ZCCHC17: variants seen among roughly 807,000 people sequenced by gnomAD.
ZCCHC17 encodes the protein zinc finger CCHC-type containing 17.
ZCCHC17 carries 18 observed loss-of-function variants against 30.6 expected under a neutral mutation model. The observed-to-expected ratio is 0.59, with a 90% CI of 0.41 to 0.87. The LOEUF (loss-of-function observed/expected upper bound fraction) is 0.87. ZCCHC17 is among the 40% of genes least tolerant of loss of function. The pLI, the probability that ZCCHC17 is intolerant of heterozygous loss-of-function variation, is 0.00. For missense variants in ZCCHC17, 263 were observed against 284.2 expected, an observed-to-expected ratio of 0.93 and a Z score of 0.54; for synonymous variants, 88 against 92.4, an observed-to-expected ratio of 0.95 and a Z score of 0.27.
chr1:31,328,104 C>T (rs906304958), intron 3 of ZCCHC17, among the ~76,000 whole-genome samples: 7 of 152,214 alleles, frequency 4.6e-5, no homozygotes, highest in Non-Finnish European at 1.0e-4. Context: ...AAAATTCATA[C>T]TAGTTTTGCT....
chr1:31,300,869 G>A (rs1261737000), intron 1 of ZCCHC17, among the ~76,000 whole-genome samples: 1 of 151,678 alleles, frequency 6.6e-6, no homozygotes, highest in Non-Finnish European at 1.5e-5. Flanking sequence ...CTGGGAGGAG[G>A]TTGCAGTGAG....
chr1:31,314,910 A>C (rs942044803), intron 2 of ZCCHC17, among the ~76,000 whole-genome samples: 1 of 152,158 alleles, frequency 6.6e-6, no homozygotes, highest in African/African-American at 2.4e-5. Flanking sequence ...CAAGTGATCC[A>C]TCTGCCTTGG....
At chr1:31,306,530 T>A (rs1170999548) in intron 1 of ZCCHC17, among the ~76,000 whole-genome samples, 1 of 152,210 alleles carries the variant, frequency 6.6e-6, no homozygotes, top group African/African-American at 2.4e-5. Context: ...GTTTTAAGCT[T>A]ATGAATTGTT....
At chr1:31,308,227 A>G (rs554069865) in intron 1 of ZCCHC17, among the ~76,000 whole-genome samples, 9 of 152,360 alleles carry the variant, frequency 5.9e-5, no homozygotes, top group South Asian at 4.1e-4. Context: ...CTTTTAGTAC[A>G]GTAATAAAAA....
At position 31,348,845 on chromosome 1, in the gene ZCCHC17, T is replaced by C. The variant is rs1160654109; in HGVS notation, c.435T>C (p.Asp145=). ...CTTCTGCAGGCCACTTTGCAAAAGATTGTTTCATGCAACCAGGTGGGACTA... is the reference window on the plus strand; with the variant it reads ...CTTCTGCAGGCCACTTTGCAAAAGACTGTTTCATGCAACCAGGTGGGACTA... ...KCGCKGHFAK[D]CFMQPGGTKY... is the part of the protein sequence containing the mutation. Residue 145 remains aspartate, a synonymous_variant, in exon 7 of 8, where the codon GAT becomes GAC. Transcript: ENST00000344147. 5 of 1,612,518 alleles carry C rather than the reference T, an allele frequency of 3.1e-6. No homozygotes were observed. Among genetic ancestry groups the C allele is most frequent in the Middle Eastern group, 2.1e-4 (1 of 4,808 alleles).
chr1:31,346,595 C>T (rs1639281479), intron 5 of ZCCHC17, 45 bp from the exon 6 acceptor site: 1 of 1,552,652 alleles, frequency 6.4e-7, no homozygotes, highest in South Asian at 1.2e-5. Context: ...TATCTCTGGC[C>T]ATATCTCTTA....
In ZCCHC17 at chr1:31,324,920, C is replaced by T. The variant is rs114602188; in HGVS notation, c.124+5754C>T. ...GCCTAAAGCATAGGGGCCAGGCTGT[C>T]AGTTCCAGGTGGAGTCTGTGGCCCA... On this transcript the variant is annotated intron_variant, in intron 3 of 7. Coordinates refer to ENST00000344147, the MANE Select transcript of ZCCHC17 (RefSeq NM_016505.4). Among the ~76,000 whole-genome samples, 1,093 of 152,302 alleles carry T rather than the reference C, an allele frequency of 7.2e-3. 13 individuals are homozygous for T. Among genetic ancestry groups the T allele is most frequent in the African/African-American group, 0.025 (1,021 of 41,550 alleles).
At chr1:31,316,438 C>T (rs572151154) in intron 2 of ZCCHC17, among the ~76,000 whole-genome samples, 120 of 152,258 alleles carry the variant, frequency 7.9e-4, no homozygotes, top group Middle Eastern at 3.4e-3. Context: ...TGATTATGTT[C>T]TTTAATAATG....
At position 31,338,987 on chromosome 1, in the gene ZCCHC17, T is replaced by G. The variant is rs760179302; in HGVS notation, c.256T>G (p.Ser86Ala). 6.2e-6 allele frequency: 10 copies of G among 1,612,064 alleles called. No individual in the cohort carries two copies. The highest frequency in any genetic ancestry group is 7.6e-6 in the Non-Finnish European group (9 of 1,179,582). The change falls in exon 5 of 8, where the codon TCC (serine) becomes GCC (alanine). Residue 86 changes from serine to alanine, a missense_variant. Physicochemically the swap from Ser to Ala is moderately conservative, Grantham distance 99 (BLOSUM62 1). Coordinates refer to ENST00000344147, the MANE Select transcript of ZCCHC17 (RefSeq NM_016505.4). ...AAATGATAGAATAAAAGTATCCCTC[T>G]CCATGAAGGTTGTCAATCAAGGGAC... Reference protein sequence around the residue: ...MKNDRIKVSLSMKVVNQGTGK... With the variant: ...MKNDRIKVSLAMKVVNQGTGK...
intron 3 of ZCCHC17, among the ~76,000 whole-genome samples, chr1:31,335,706 TTA>T (rs912110450): frequency 5.3e-5 from 8 of 152,214 alleles, no homozygotes; most frequent in African/African-American, 1.9e-4. Flanking sequence ...GTGTAATAGT[TTA>T]TTAGTATTTT....
intron 3 of ZCCHC17, among the ~76,000 whole-genome samples, chr1:31,326,929 G>T (rs756233): frequency 6.6e-6 from 1 of 152,134 alleles, no homozygotes; most frequent in Non-Finnish European, 1.5e-5. Context: ...AATAACTCTG[G>T]TCTGATCAGG....
chr1:31,334,795 C>T (rs908582260), intron 3 of ZCCHC17, among the ~76,000 whole-genome samples: 1 of 152,130 alleles, frequency 6.6e-6, no homozygotes, highest in Non-Finnish European at 1.5e-5. Flanking sequence ...TTTGAATGGA[C>T]CATCAAGCGA....
intron 3 of ZCCHC17, among the ~76,000 whole-genome samples, chr1:31,334,174 C>T (rs1237871982): frequency 2.0e-5 from 3 of 152,084 alleles, no homozygotes; most frequent in South Asian, 4.1e-4. Context: ...CTATCAACCT[C>T]CAGAATCAGC....
At chr1:31,338,696 C>T (rs917127789) in intron 4 of ZCCHC17, among the ~76,000 whole-genome samples, 39 of 152,328 alleles carry the variant, frequency 2.6e-4, no homozygotes, top group African/African-American at 9.4e-4. Flanking sequence ...TGCCTGGTTA[C>T]TTCCACAAGC....
intron 3 of ZCCHC17, among the ~76,000 whole-genome samples, chr1:31,333,531 A>T (rs1638677960): frequency 6.6e-6 from 1 of 152,188 alleles, no homozygotes; most frequent in African/African-American, 2.4e-5. Context: ...TCAAAAAAAT[A>T]AAAAATAAAA....
At position 31,347,436 on chromosome 1, in the gene ZCCHC17, G is replaced by A. The variant is rs6699840; in HGVS notation, c.418+696G>A. ...GTAGCAGATTTGTGCCCTGGTTGAAGTTGTGGGGTTTTAAGCCCCTATTTA... is the reference window on the plus strand; with the variant it reads ...GTAGCAGATTTGTGCCCTGGTTGAAATTGTGGGGTTTTAAGCCCCTATTTA... On this transcript the variant is annotated intron_variant, in intron 6 of 7. Coordinates refer to ENST00000344147, the MANE Select transcript of ZCCHC17 (RefSeq NM_016505.4). Among the ~76,000 whole-genome samples the A allele has an allele frequency of 3.6e-3, 541 of 152,298 alleles. 3 individuals are homozygous for A. The highest frequency in any genetic ancestry group is 0.013 in the African/African-American group (524 of 41,566).
intron 3 of ZCCHC17, among the ~76,000 whole-genome samples, chr1:31,321,075 T>C (rs946058578): frequency 2.0e-5 from 3 of 152,182 alleles, no homozygotes; most frequent in African/African-American, 4.8e-5. Flanking sequence ...TATATCTTTT[T>C]TGGGGAAATG....
intron 1 of ZCCHC17, among the ~76,000 whole-genome samples, chr1:31,309,681 C>T (rs528838221): frequency 6.6e-6 from 1 of 152,256 alleles, no homozygotes; most frequent in South Asian, 2.1e-4. Context: ...GTAAGTGCTG[C>T]ATTAATGTTT....
At chr1:31,314,932 G>A (rs1434720432) in intron 2 of ZCCHC17, among the ~76,000 whole-genome samples, 4 of 152,170 alleles carry the variant, frequency 2.6e-5, no homozygotes, top group Non-Finnish European at 5.9e-5. Context: ...CTCCCAAAGT[G>A]CTGGGATTAT....
Sources: allele counts gnomAD v4.1 joint callset (sites outside exome capture counted in the v4.1 genomes callset), GRCh38; gene constraint gnomAD v4.1.1; transcripts MANE v1.5; gene names NCBI Gene and HGNC (gene_info 2026-07-23, HGNC 2026-07-21).